Variants in GARIN1A observed in about 807,000 individuals in gnomAD.
GARIN1A encodes the protein golgi associated RAB2 interactor 1A, also known as Golgi-associated RAB2 interactor protein 1A.
chr7:128,707,214 GTATGTA>G, the GARIN1A span, among the ~76,000 whole-genome samples: 2 of 63,982 alleles, frequency 3.1e-5, no homozygotes, highest in African/African-American at 1.1e-4. Context: ...ATTATTGTGT[GTATGTA>G]TGTGTGTGTG....
chr7:128,677,494 G>A, the GARIN1A span: 85 of 1,145,012 alleles, frequency 7.4e-5, 1 homozygote, highest in Middle Eastern at 1.6e-3. Context: ...GCGGCAGCGA[G>A]ACTCCGTCTC....
chr7:128,673,100 G>T, the GARIN1A span, among the ~76,000 whole-genome samples: 7 of 152,172 alleles, frequency 4.6e-5, no homozygotes, highest in Non-Finnish European at 8.8e-5. Context: ...CTTAACGCGG[G>T]TGCTGCCTGC....
chr7:128,706,140 T>C, the GARIN1A span, among the ~76,000 whole-genome samples: 1 of 152,168 alleles, frequency 6.6e-6, no homozygotes, highest in African/African-American at 2.4e-5. Flanking sequence ...GTCCCAAATT[T>C]GGCCTGCAGG....
At chr7:128,689,112 G>A in the GARIN1A span, among the ~76,000 whole-genome samples, 2 of 151,996 alleles carry the variant, frequency 1.3e-5, no homozygotes, top group African/African-American at 2.4e-5. Flanking sequence ...GCTCAATGTT[G>A]CCCAGGCTGG....
chr7:128,688,280 G>C, the GARIN1A span, among the ~76,000 whole-genome samples: 3,603 of 152,240 alleles, frequency 0.024, 73 homozygotes, highest in Middle Eastern at 0.054. Context: ...AAAGTGCTGG[G>C]ATTACAGGCG....
the GARIN1A span, chr7:128,672,439 AGGCCCT>A: frequency 1.2e-6 from 2 of 1,609,074 alleles, no homozygotes; most frequent in Non-Finnish European, 1.7e-6. Flanking sequence ...TCAGGGAACC[AGGCCCT>A]GGAGTGGAAC....
the GARIN1A span, among the ~76,000 whole-genome samples, chr7:128,706,110 T>C: frequency 6.6e-6 from 1 of 152,218 alleles, no homozygotes; most frequent in East Asian, 1.9e-4. Flanking sequence ...ACTGTCATTA[T>C]CTGCTTTGAC....
the GARIN1A span, among the ~76,000 whole-genome samples, chr7:128,673,097 C>T: frequency 3.3e-5 from 5 of 152,252 alleles, no homozygotes; most frequent in Admixed American, 6.5e-5. Context: ...AGTCTTAACG[C>T]GGGTGCTGCC....
the GARIN1A span, among the ~76,000 whole-genome samples, chr7:128,698,937 T>G: frequency 6.6e-6 from 1 of 152,252 alleles, no homozygotes; most frequent in East Asian, 1.9e-4. Flanking sequence ...CCCTGGAGGT[T>G]CCCTACCATG....
chr7:128,676,576 T>C, the GARIN1A span, among the ~76,000 whole-genome samples: 1 of 152,018 alleles, frequency 6.6e-6, no homozygotes, highest in Admixed American at 6.6e-5. Flanking sequence ...GTCCCTAATA[T>C]TAGACATTTA....
At chr7:128,695,304 A>C in the GARIN1A span, among the ~76,000 whole-genome samples, 8 of 152,282 alleles carry the variant, frequency 5.3e-5, no homozygotes, top group African/African-American at 1.9e-4. This position sits in a 1 kb window ranked among gnomAD's most constrained non-coding sequence, Gnocchi z 4.5. Flanking sequence ...GGATTTGACC[A>C]GTGGGAAATC....
chr7:128,707,361 A>G, the GARIN1A span, among the ~76,000 whole-genome samples: 4 of 152,028 alleles, frequency 2.6e-5, no homozygotes, highest in Admixed American at 2.6e-4. Flanking sequence ...TCATTCATCT[A>G]TCCTACAACT....
At chr7:128,689,264 C>T in the GARIN1A span, among the ~76,000 whole-genome samples, 1 of 151,922 alleles carries the variant, frequency 6.6e-6, no homozygotes, top group Non-Finnish European at 1.5e-5. Context: ...AGCCGCCCAT[C>T]GTCTGGGATG....
At chr7:128,678,629 C>A in the GARIN1A span, among the ~76,000 whole-genome samples, 2 of 151,918 alleles carry the variant, frequency 1.3e-5, no homozygotes. Context: ...CATGGTGAAA[C>A]CCTGTCTCTA....
chr7:128,690,611 A>G, the GARIN1A span: 1 of 152,124 alleles, frequency 6.6e-6, no homozygotes, highest in Non-Finnish European at 1.5e-5. Context: ...AACTTCATAC[A>G]TGCAATTAAA....
the GARIN1A span, among the ~76,000 whole-genome samples, chr7:128,696,446 G>T: frequency 1.3e-5 from 2 of 152,204 alleles, no homozygotes; most frequent in Admixed American, 6.5e-5. Flanking sequence ...AGATGTCTTT[G>T]TATCAACTTT....
At chr7:128,699,541 A>C in the GARIN1A span, among the ~76,000 whole-genome samples, 1 of 152,128 alleles carries the variant, frequency 6.6e-6, no homozygotes, top group Non-Finnish European at 1.5e-5. Context: ...TTTTCGTTTG[A>C]TTTATAGCTT....
the GARIN1A span, chr7:128,680,012 G>A: frequency 1.7e-5 from 26 of 1,501,450 alleles, no homozygotes; most frequent in African/African-American, 2.6e-4. Flanking sequence ...GCCATCTGAC[G>A]CTAAATTTCT....
chr7:128,677,504 C>A, the GARIN1A span: 98 of 1,272,846 alleles, frequency 7.7e-5, no homozygotes, highest in Admixed American at 5.6e-4. Context: ...GACTCCGTCT[C>A]AAAAAAAAAA....
Sources: allele counts gnomAD v4.1 joint callset (sites outside exome capture counted in the v4.1 genomes callset), GRCh38; gene constraint gnomAD v4.1.1; non-coding constraint Gnocchi (gnomAD v3.1); transcripts MANE v1.5; gene names NCBI Gene and HGNC (gene_info 2026-07-23, HGNC 2026-07-21).